The following NTN1 variants were observed in gnomAD, a reference collection of about 807,000 sequenced individuals.
NTN1 encodes the protein netrin-1.
In NTN1, 11 loss-of-function variants were observed where a neutral mutation model predicts 54.2. That is an observed-to-expected ratio of 0.20 (90% CI 0.13 to 0.34). NTN1 has a LOEUF of 0.34. NTN1 is among the 10% of genes least tolerant of loss of function. The pLI, the probability that NTN1 is intolerant of heterozygous loss-of-function variation, is 1.00. For synonymous variants in NTN1, 371 were observed against 382.0 expected, an observed-to-expected ratio of 0.97 and a Z score of 0.33; for missense variants, 740 against 893.1, an observed-to-expected ratio of 0.83 and a Z score of 2.18.
chr17:9,102,951 C>T (rs1355452489), intron 2 of NTN1, among the ~76,000 whole-genome samples: 2 of 152,140 alleles, frequency 1.3e-5, no homozygotes, highest in African/African-American at 4.8e-5. Context: ...ATATTGGCTA[C>T]CCTGGCTGGA....
intron 3 of NTN1, chr17:9,174,839 G>A (rs1220338132): frequency 6.5e-6 from 1 of 152,732 alleles, no homozygotes; most frequent in Non-Finnish European, 1.5e-5. Context: ...CGGAACTTCA[G>A]GACTGGCCAG....
chr17:9,106,523 TCCTTCCTTTC>T (rs2092167495), intron 2 of NTN1, among the ~76,000 whole-genome samples: 1 of 125,020 alleles, frequency 8.0e-6, no homozygotes, highest in Non-Finnish European at 1.6e-5. Flanking sequence ...CTTCCTTCCT[TCCTTCCTTTC>T]GACAGAGTCT....
At chr17:9,040,141 C>T (rs1263431249) in intron 2 of NTN1, among the ~76,000 whole-genome samples, 1 of 152,220 alleles carries the variant, frequency 6.6e-6, no homozygotes, top group Non-Finnish European at 1.5e-5. Context: ...CAGTCCATTT[C>T]CTCATCAGCA....
chr17:9,016,611 T>C (rs1191916508), upstream of NTN1, among the ~76,000 whole-genome samples: 1 of 152,200 alleles, frequency 6.6e-6, no homozygotes, highest in Non-Finnish European at 1.5e-5. Flanking sequence ...TTGAAGTAGC[T>C]ACATGTGGTG....
intron 2 of NTN1, among the ~76,000 whole-genome samples, chr17:9,032,735 C>G (rs1052286987): frequency 6.6e-6 from 1 of 152,214 alleles, no homozygotes; most frequent in African/African-American, 2.4e-5. Context: ...ACGGCCCCCC[C>G]AGCCCCTACC....
At chr17:9,231,959 G>T (rs909549647) in intron 6 of NTN1, among the ~76,000 whole-genome samples, 1 of 152,160 alleles carries the variant, frequency 6.6e-6, no homozygotes, top group Non-Finnish European at 1.5e-5. Context: ...GTTCTCGATG[G>T]CATGTCCCGC....
rs1347349844 is a variant in NTN1, at chr17:9,088,610, G to T, written c.1018+65219G>T. On this transcript the variant is annotated intron_variant, in intron 2 of 6. Transcript: ENST00000173229. ...CTCCTGGGTGGGTTGTTCATTTGAG[G>T]ACTGAGACCCCAGGGCAGACCCGGA... Among the ~76,000 whole-genome samples, 9 of 152,282 alleles carry T rather than the reference G, an allele frequency of 5.9e-5. No homozygotes were observed. The East Asian group carries it at 1.7e-3, about 29-fold the overall frequency.
chr17:9,088,853 C>T lies in NTN1; in HGVS notation c.1018+65462C>T, dbSNP rs374058180. The stretch of plus-strand genomic sequence containing the variant: ...ACGATTCCAAATACGGAGAAACAAC[C>T]TCTCTCCGGGTTCCTTGTGGCCAGC... On this transcript the variant is annotated intron_variant, in intron 2 of 6. Coordinates refer to ENST00000173229, the MANE Select transcript of NTN1 (RefSeq NM_004822.3). Among the ~76,000 whole-genome samples the T allele has an allele frequency of 2.2e-3, 334 of 152,250 alleles. 2 individuals carry two copies. Among genetic ancestry groups the T allele is most frequent in the African/African-American group, 7.7e-3 (320 of 41,556 alleles).
intron 5 of NTN1, among the ~76,000 whole-genome samples, chr17:9,199,697 A>G (rs566911401): frequency 6.6e-6 from 1 of 152,360 alleles, no homozygotes; most frequent in East Asian, 1.9e-4. Flanking sequence ...ACTCAGTCAC[A>G]TGACCACCCC....
chr17:9,199,025 A>G (rs1181703194), intron 5 of NTN1, among the ~76,000 whole-genome samples: 1 of 152,128 alleles, frequency 6.6e-6, no homozygotes, highest in Non-Finnish European at 1.5e-5. Flanking sequence ...TGCACCCACT[A>G]TTGTCCTAAT....
At chr17:9,089,239 C>G (rs149162876) in intron 2 of NTN1, among the ~76,000 whole-genome samples, 1,751 of 152,160 alleles carry the variant, frequency 0.012, 36 homozygotes, top group African/African-American at 0.04. Flanking sequence ...ATGGTGAAAC[C>G]CCGTCTCTAC....
intron 5 of NTN1, among the ~76,000 whole-genome samples, chr17:9,215,282 C>CACACAT (rs1905194198): frequency 1.3e-5 from 2 of 150,196 alleles, no homozygotes; most frequent in South Asian, 2.1e-4. Context: ...CACACACACA[C>CACACAT]ACACACATAC....
intron 2 of NTN1, among the ~76,000 whole-genome samples, chr17:9,060,722 A>G (rs1226187134): frequency 6.6e-6 from 1 of 152,200 alleles, no homozygotes; most frequent in African/African-American, 2.4e-5. Flanking sequence ...TCATGCCTGT[A>G]ATCCCAGCAC....
chr17:9,100,627 G>A lies in NTN1; in HGVS notation c.1019-62186G>A, dbSNP rs149387744. 1.0e-3 allele frequency among the ~76,000 whole-genome samples: 156 copies of A among 152,292 alleles called. 1 individual carries two copies. In the East Asian group the frequency reaches 0.022, roughly 21 times the overall value. On this transcript the variant is annotated intron_variant, in intron 2 of 6. Transcript: ENST00000173229. The stretch of plus-strand genomic sequence containing the variant: ...TATCTGCATATGCATATCTTATCTG[G>A]TCAGTAAGAACTATATCATGTGTAT...
At chr17:9,014,602 A>C in the NTN1 span, among the ~76,000 whole-genome samples, 17 of 152,342 alleles carry the variant, frequency 1.1e-4, no homozygotes, top group Admixed American at 1.1e-3. Flanking sequence ...AAGTTCTTTC[A>C]ATCTGGGAAG....
At chr17:9,148,916 G>C (rs1476764686) in intron 2 of NTN1, among the ~76,000 whole-genome samples, 1 of 152,024 alleles carries the variant, frequency 6.6e-6, no homozygotes, top group Non-Finnish European at 1.5e-5. Flanking sequence ...GTCAAGCAGG[G>C]AGGGATACAG....
At position 9,212,264 on chromosome 17, in the gene NTN1, G is replaced by A. The variant is rs1905122681; in HGVS notation, c.1412-8904G>A. Among the ~76,000 whole-genome samples the A allele has an allele frequency of 6.6e-6, 1 of 152,104 alleles. No homozygotes were observed. The highest frequency in any genetic ancestry group is 2.4e-5 in the African/African-American group (1 of 41,394). The stretch of plus-strand genomic sequence containing the variant: ...GTGGTCTTACCTGGGGCAGGGTGGG[G>A]CAAGTCACGAAGTCACCTGCAGCCT... On this transcript the variant is annotated intron_variant, in intron 5 of 6. Transcript: ENST00000173229. This position sits in a 1 kb window ranked among gnomAD's most constrained non-coding sequence, Gnocchi z 5.5.
chr17:9,191,689 C>T (rs1393779721), intron 5 of NTN1, among the ~76,000 whole-genome samples: 1 of 151,918 alleles, frequency 6.6e-6, no homozygotes, highest in Non-Finnish European at 1.5e-5. Flanking sequence ...GCATAGGAAG[C>T]ATTAAACTTA....
intron 6 of NTN1, among the ~76,000 whole-genome samples, chr17:9,238,096 C>T (rs760647053): frequency 6.6e-6 from 1 of 152,160 alleles, no homozygotes; most frequent in Non-Finnish European, 1.5e-5. Flanking sequence ...TGTGTGGGTG[C>T]AGGGGGGTGC....
Sources: allele counts gnomAD v4.1 joint callset (sites outside exome capture counted in the v4.1 genomes callset), GRCh38; gene constraint gnomAD v4.1.1; non-coding constraint Gnocchi (gnomAD v3.1); transcripts MANE v1.5; gene names NCBI Gene and HGNC (gene_info 2026-07-23, HGNC 2026-07-21).